The following MFSD12 variants were observed in gnomAD, a reference collection of about 807,000 sequenced individuals.
MFSD12 encodes major facilitator superfamily domain-containing protein 12.
In MFSD12, 67 loss-of-function variants were observed where a neutral mutation model predicts 51.2. That is an observed-to-expected ratio of 1.31 (90% CI 1.08 to 1.60). The LOEUF (loss-of-function observed/expected upper bound fraction) is 1.60, where lower values mean the gene tolerates loss of function less well. Ranked by LOEUF, MFSD12 falls within the 40% of genes most tolerant of loss-of-function variation. MFSD12 has a pLI of 0.00. For synonymous variants in MFSD12, 441 were observed against 316.7 expected, an observed-to-expected ratio of 1.39 and a Z score of -4.17; for missense variants, 921 against 673.0, an observed-to-expected ratio of 1.37 and a Z score of -4.08.
chr19:3,545,988 A>C, intron 8 of MFSD12, 86 bp downstream of exon 8: 1 of 1,429,964 alleles, frequency 7.0e-7, no homozygotes, highest in South Asian at 1.2e-5. Flanking sequence ...CTGGATGCCC[A>C]GACCCAGAAC....
chr19:3,546,619 A>G (rs2031081065), intron 6 of MFSD12, among the ~76,000 whole-genome samples, 194 bp from the exon 7 acceptor site: 1 of 152,244 alleles, frequency 6.6e-6, no homozygotes, highest in Non-Finnish European at 1.5e-5. Flanking sequence ...CTCTCTGTCC[A>G]CGCCGTAGCG....
downstream of MFSD12, chr19:3,543,301 G>T (rs2030590674): frequency 6.5e-7 from 1 of 1,549,034 alleles, no homozygotes; most frequent in East Asian, 2.4e-5. Context: ...CACGCTGGAA[G>T]TACACGCCCA....
At chr19:3,548,394 A>G in intron 2 of MFSD12, 127 bp from the exon 3 acceptor site, 1 of 1,270,320 alleles carries the variant, frequency 7.9e-7, no homozygotes, top group Non-Finnish European at 1.1e-6. Flanking sequence ...CCACTGCCAC[A>G]CTGGGTGGCC....
Position 3,548,002 on chromosome 19 carries a change from C to CCGTT in MFSD12, c.682_683insAACG (p.Gly228GlufsTer187). 1 of 1,598,918 alleles carries CCGTT rather than the reference C, an allele frequency of 6.3e-7. No homozygotes were observed. Among genetic ancestry groups the CCGTT allele is most frequent in the Non-Finnish European group, 8.5e-7 (1 of 1,179,378 alleles). On this transcript the variant is annotated frameshift_variant, in exon 4 of 10. Transcript: ENST00000355415. LOFTEE classifies it high-confidence loss of function. ...GTGGAATAGCAGTGAGAACACGGCGCCGACACCCACCACCAGCAGGGACAG... is the reference window on the plus strand; with the variant it reads ...GTGGAATAGCAGTGAGAACACGGCGCCGTTCGACACCCACCACCAGCAGGGACAG...
In MFSD12 at chr19:3,546,363, C is replaced by T. The variant is rs778931383; in HGVS notation, c.1086G>A (p.Glu362=). Residue 362 remains glutamate (E), a synonymous_variant, in exon 7 of 10, where the codon GAG becomes GAA. Coordinates refer to ENST00000355415, the MANE Select transcript of MFSD12 (RefSeq NM_174983.5). The part of the protein sequence containing the change: ...LAFAAWVALA[E]GLGVAVYAAA... ...CTGCGTACACGGCCACACCCAGTCCCTCCGCCAGCGCCACCCAGGCGGCAA... is the reference window on the plus strand; with the variant it reads ...CTGCGTACACGGCCACACCCAGTCCTTCCGCCAGCGCCACCCAGGCGGCAA... The T allele has an allele frequency of 5.0e-5, 81 of 1,607,800 alleles. 2 individuals are homozygous for T. In the South Asian group the frequency reaches 6.5e-4, roughly 13 times the overall value.
At chr19:3,542,503 T>C (rs769986065), downstream of MFSD12, 1 of 966,946 alleles carries the variant, frequency 1.0e-6, no homozygotes, top group Non-Finnish European at 1.2e-6. Context: ...AGACAGAGTC[T>C]CACTCTGTTG....
At chr19:3,543,489 C>T (rs767395852), downstream of MFSD12, 25 of 1,520,942 alleles carry the variant, frequency 1.6e-5, no homozygotes, top group Non-Finnish European at 1.9e-5. Flanking sequence ...TGCCCCCCCC[C>T]CCGCCCTGGG....
At chr19:3,542,819 T>G (rs770462882), downstream of MFSD12, 1 of 1,373,542 alleles carries the variant, frequency 7.3e-7, no homozygotes. Flanking sequence ...CATGGCTTAG[T>G]GCCAGCCCCA....
chr19:3,543,017 G>T, downstream of MFSD12: 1 of 1,604,414 alleles, frequency 6.2e-7, no homozygotes, highest in South Asian at 1.1e-5. Context: ...GGGTGCTTGG[G>T]GTGCGATGTG....
chr19:3,539,750 C>T (rs1040314214), downstream of MFSD12: 1 of 160,606 alleles, frequency 6.2e-6, no homozygotes, highest in Non-Finnish European at 1.4e-5. Context: ...GCCATCCTAA[C>T]ACGGGGTGAC....
Position 3,544,290 on chromosome 19 carries a change from C to G in MFSD12, c.*420G>C. 3 of 1,288,050 alleles carry G rather than the reference C, an allele frequency of 2.3e-6. No homozygotes were observed. Among genetic ancestry groups the G allele is most frequent in the Non-Finnish European group, 2.9e-6 (3 of 1,018,332 alleles). The allele number at this position is 1,288,050 out of a possible 1,614,324, so 79.8% of individuals were successfully genotyped here. On this transcript the variant is annotated 3_prime_UTR_variant, in exon 10 of 10. Coordinates refer to ENST00000355415, the MANE Select transcript of MFSD12 (RefSeq NM_174983.5). ...CACGGTGGGGTCCAGGCCCAGCCCACCACCCCGTGGCTGTCTCCTCCAGGC... is the reference window on the plus strand; with the variant it reads ...CACGGTGGGGTCCAGGCCCAGCCCAGCACCCCGTGGCTGTCTCCTCCAGGC...
rs2030853284 is a variant in MFSD12, at chr19:3,544,959, A to C, written c.1290-20T>G. On this transcript the variant is annotated intron_variant, in intron 8 of 9. Transcript: ENST00000355415. ...TCTGAGCTGTGGGAGGAGGCGGGGG[A>C]TGAGTAGGCACCGCGGGTACCACCC... is the stretch of plus-strand genomic sequence containing the variant. 1.3e-6 allele frequency: 2 copies of C among 1,594,104 alleles called. No homozygotes were observed. Among genetic ancestry groups the C allele is most frequent in the Non-Finnish European group, 1.7e-6 (2 of 1,172,784 alleles).
rs1279187599 is a variant in MFSD12 at position 3,544,338 on chromosome 19, T to G, written c.*372A>C. 4.2e-5 allele frequency: 53 copies of G among 1,269,302 alleles called. No individual in the cohort carries two copies. Among genetic ancestry groups the G allele is most frequent in the Non-Finnish European group, 5.2e-5 (52 of 1,006,916 alleles). The allele number at this position is 1,269,302 out of a possible 1,614,324, so 78.6% of individuals were successfully genotyped here. A position where few individuals can be genotyped will look rare whatever the true frequency, so the allele number is the denominator to read the frequency against. On this transcript the variant is annotated 3_prime_UTR_variant, in exon 10 of 10. Coordinates refer to ENST00000355415, the MANE Select transcript of MFSD12 (RefSeq NM_174983.5). ...GGCTCCAGCCGTCCTGAGGGGGCCC[T>G]GGCAGTGTCTGGAGACCCCCAGGCT...
intron 1 of MFSD12, among the ~76,000 whole-genome samples, chr19:3,554,936 C>T (rs535487794): frequency 9.9e-4 from 151 of 152,332 alleles, no homozygotes; most frequent in Non-Finnish European, 2.0e-3. Context: ...CCCTCCAGGC[C>T]CACCCAGGTG....
chr19:3,544,170 G>C (rs2030728614), downstream of MFSD12: 4 of 1,369,802 alleles, frequency 2.9e-6, no homozygotes, highest in South Asian at 3.7e-5. Context: ...CCTGCCCAGA[G>C]CCCCCCCGCA....
downstream of MFSD12, among the ~76,000 whole-genome samples, chr19:3,541,341 AAAAG>A (rs1263167692): frequency 6.6e-6 from 1 of 151,760 alleles, no homozygotes; most frequent in South Asian, 2.1e-4. Flanking sequence ...CTCAAAAAAA[AAAAG>A]AGGGTCTCGC....
At chr19:3,543,238 T>A, downstream of MFSD12, 2 of 1,543,230 alleles carry the variant, frequency 1.3e-6, no homozygotes, top group Non-Finnish European at 1.7e-6. Flanking sequence ...CCCTCAGCGA[T>A]GACTACCTGT....
chr19:3,548,089 G>C lies in MFSD12; in HGVS notation c.654+34C>G, dbSNP rs549052696. On this transcript the variant is annotated intron_variant, in intron 3 of 9. Transcript: ENST00000355415. ...GGCCCAGCCCCCGCCCCTGGCTCGA[G>C]GACTTCAGGCGACCCACCCGGACTC... 5.7e-5 allele frequency: 91 copies of C among 1,602,750 alleles called. No homozygotes were observed. In the South Asian group the frequency reaches 9.6e-4, roughly 17 times the overall value.
In MFSD12 at chr19:3,557,390, G is replaced by A. The variant is rs545660485; in HGVS notation, c.14C>T (p.Pro5Leu). 9 of 1,331,268 alleles carry A rather than the reference G, an allele frequency of 6.8e-6. No individual in the cohort carries two copies. In the East Asian group the frequency reaches 2.2e-4, roughly 33 times the overall value. The allele number at this position is 1,331,268 out of a possible 1,614,324, so 82.5% of individuals were successfully genotyped here. Residue 5 changes from proline to leucine, a missense_variant, in exon 1 of 10, where the codon CCC (proline) becomes CTC (leucine). Coordinates refer to ENST00000355415, the MANE Select transcript of MFSD12 (RefSeq NM_174983.5). MGPG[P>L]PAAGAAPSPR... is the part of the protein sequence containing the mutation. ...GGACGGCGCCGCTCCGGCCGCTGGG[G>A]GTCCCGGGCCCATCGCGGCGCCGGG...
Sources: gnomAD v4.1 joint callset for allele counts (sites outside exome capture counted in the v4.1 genomes callset) on GRCh38, gnomAD v4.1.1 for gene constraint, MANE v1.5 for transcripts, NCBI Gene and HGNC (gene_info 2026-07-23, HGNC 2026-07-21) for gene names.